Variants in FKRP observed in about 807,000 individuals in gnomAD.
FKRP encodes the protein ribitol 5-phosphate transferase FKRP.
A neutral mutation model predicts 30.6 loss-of-function variants in FKRP; 25 were observed. The ratio of observed to expected loss-of-function variants is 0.82; its 90% CI spans 0.60 to 1.14. The LOEUF (loss-of-function observed/expected upper bound fraction) is 1.14. FKRP is among the 50% of genes most tolerant of loss of function. The pLI, the probability that FKRP is intolerant of heterozygous loss-of-function variation, is 0.00. For synonymous variants in FKRP, 358 were observed against 342.5 expected, an observed-to-expected ratio of 1.05 and a Z score of -0.50; for missense variants, 771 against 727.8, an observed-to-expected ratio of 1.06 and a Z score of -0.68.
chr19:46,749,414 T>C lies in FKRP; in HGVS notation c.-40+749T>C, dbSNP rs576615840. ...CTCTCTGTGCCTTTGTTTCCTTTTT[T>C]TTTTTTTTTTTTTTTGAGATAAGGT... On this transcript the variant is annotated intron_variant, in intron 3 of 3. Coordinates refer to ENST00000318584, the MANE Select transcript of FKRP (RefSeq NM_024301.5). Among the ~76,000 whole-genome samples, 393 of 148,186 alleles carry C rather than the reference T, an allele frequency of 2.7e-3. 5 individuals carry two copies. Among genetic ancestry groups the C allele is most frequent in the African/African-American group, 9.1e-3 (369 of 40,484 alleles).
At position 46,756,667 on chromosome 19, in the gene FKRP, A is replaced by G. The variant is rs1170273978; in HGVS notation, c.1217A>G (p.Gln406Arg). ...GTCGAGGGCGACTTTTTCCGCGTGC[A>G]GTACAGCGAAAGCAACCACTTGCAC... ...KAVEGDFFRVQYSESNHLHVD... is the reference protein window; with the variant it reads ...KAVEGDFFRVRYSESNHLHVD... The change falls in exon 4 of 4, where the codon CAG (glutamine) becomes CGG (arginine). Residue 406 changes from glutamine to arginine, a missense_variant. Transcript: ENST00000318584. This position sits in a 1 kb window ranked among gnomAD's most constrained non-coding sequence, Gnocchi z 6.6. 1.2e-6 allele frequency: 2 copies of G among 1,613,536 alleles called. No homozygotes were observed.
In FKRP at chr19:46,756,040, A is replaced by T. The variant is rs767763499; in HGVS notation, c.590A>T (p.Asp197Val). 1.3e-6 allele frequency: 2 copies of T among 1,579,488 alleles called. No homozygotes were observed. The highest frequency in any genetic ancestry group is 1.7e-4 in the Middle Eastern group (1 of 6,016). Residue 197 changes from aspartate (D) to valine (V), a missense_variant, in exon 4 of 4, where the codon GAT (aspartate) becomes GTT (valine). Physicochemically the swap from Asp to Val is radical, Grantham distance 152. Transcript: ENST00000318584. This position sits in a 1 kb window ranked among gnomAD's most constrained non-coding sequence, Gnocchi z 6.6. Reference sequence around the variant, plus strand: ...CCCCGCTGCGACGCCCTGGACGGAGATGCTGTGGTGCTCCTGCGCGCCCGC... The same window carrying T: ...CCCCGCTGCGACGCCCTGGACGGAGTTGCTGTGGTGCTCCTGCGCGCCCGC... Reference protein sequence around the residue: ...AAPRCDALDGDAVVLLRARDL... With the variant: ...AAPRCDALDGVAVVLLRARDL...
At chr19:46,752,726 A>C (rs1377780220) in intron 3 of FKRP, among the ~76,000 whole-genome samples, 1 of 152,112 alleles carries the variant, frequency 6.6e-6, no homozygotes, top group Non-Finnish European at 1.5e-5. Flanking sequence ...TTAGCCAGGC[A>C]CAGTATTGCA....
chr19:46,757,147 A>C lies in FKRP; in HGVS notation c.*209A>C. On this transcript the variant is annotated 3_prime_UTR_variant, in exon 4 of 4. Transcript: ENST00000318584. ...GGGAAGCGACCTCCAGATTTATCAA[A>C]TGGTCATGCCCACTGGGAGCCGTGG... 1.5e-6 allele frequency: 1 copy of C among 682,620 alleles called. No individual in the cohort carries two copies. The highest frequency in any genetic ancestry group is 2.6e-6 in the Non-Finnish European group (1 of 387,236). 42.3% of individuals were successfully genotyped at this position (682,620 alleles called of 1,614,324 possible). A position where few individuals can be genotyped will look rare whatever the true frequency, so the allele number is the denominator to read the frequency against.
chr19:46,755,498 C>T lies in FKRP; in HGVS notation c.48C>T (p.Leu16=), dbSNP rs776358648. The change falls in exon 4 of 4, where the codon CTC becomes CTT. Residue 16 remains leucine, a synonymous_variant. Coordinates refer to ENST00000318584, the MANE Select transcript of FKRP (RefSeq NM_024301.5). Reference sequence around the variant, plus strand: ...CTGCCCTGGCGGCCGCCATCACCCTCAACCTTCTGGTCCTCTTCTATGTCT... The same window carrying T: ...CTGCCCTGGCGGCCGCCATCACCCTTAACCTTCTGGTCCTCTTCTATGTCT... ...CQAALAAAIT[L]NLLVLFYVSW... The T allele has an allele frequency of 1.3e-5, 21 of 1,610,986 alleles. No homozygotes were observed. The highest frequency in any genetic ancestry group is 8.5e-7 in the Non-Finnish European group (1 of 1,179,382).
Position 46,756,331 on chromosome 19 carries a change from C to T in FKRP, c.881C>T (p.Thr294Met). Reference protein sequence around the residue: ...LEWFGCNKETTRCFGTVVGDT... With the variant: ...LEWFGCNKETMRCFGTVVGDT... Reference sequence around the variant, plus strand: ...TGGTTCGGCTGCAACAAGGAGACCACGCGCTGCTTCGGAACCGTGGTGGGC... The same window carrying T: ...TGGTTCGGCTGCAACAAGGAGACCATGCGCTGCTTCGGAACCGTGGTGGGC... Residue 294 changes from threonine to methionine, a missense_variant, in exon 4 of 4, where the codon ACG becomes ATG. Thr to Met is a moderately conservative substitution (Grantham distance 81, BLOSUM62 -1). Transcript: ENST00000318584. This position sits in a 1 kb window ranked among gnomAD's most constrained non-coding sequence, Gnocchi z 6.6. 3.9e-6 allele frequency: 6 copies of T among 1,556,308 alleles called. No homozygotes were observed. Among genetic ancestry groups the T allele is most frequent in the Non-Finnish European group, 5.2e-6 (6 of 1,154,694 alleles).
rs894313503 is a variant in FKRP at position 46,756,509 on chromosome 19, C to T, written c.1059C>T (p.His353=). The stretch of plus-strand genomic sequence containing the variant: ...GCTCACTGCTGGGGGCCGCCCGCCA[C>T]GGGGACATCATCCCATGGGACTACG... ...EGGSLLGAAR[H]GDIIPWDYDV... Residue 353 remains histidine, a synonymous_variant, in exon 4 of 4, where the codon CAC becomes CAT. Transcript: ENST00000318584. This position sits in a 1 kb window ranked among gnomAD's most constrained non-coding sequence, Gnocchi z 6.6. The T allele has an allele frequency of 3.8e-6, 6 of 1,583,208 alleles. No individual in the cohort carries two copies. Among genetic ancestry groups the T allele is most frequent in the African/African-American group, 2.7e-5 (2 of 74,696 alleles).
At position 46,756,038 on chromosome 19, in the gene FKRP, A is replaced by G. The variant is rs2122619043; in HGVS notation, c.588A>G (p.Gly196=). ...CGCCCCGCTGCGACGCCCTGGACGG[A>G]GATGCTGTGGTGCTCCTGCGCGCCC... ...PAAPRCDALD[G]DAVVLLRARD... Residue 196 remains glycine (G), a synonymous_variant, in exon 4 of 4, where the codon GGA becomes GGG. Coordinates refer to ENST00000318584, the MANE Select transcript of FKRP (RefSeq NM_024301.5). The surrounding 1 kb of genome is among the most constrained non-coding windows in gnomAD (Gnocchi z 6.6). The G allele has an allele frequency of 1.3e-6, 2 of 1,579,820 alleles. No individual in the cohort carries two copies. The highest frequency in any genetic ancestry group is 1.1e-5 in the South Asian group (1 of 88,314).
intron 1 of FKRP, chr19:46,746,388 A>T: frequency 9.4e-7 from 1 of 1,064,774 alleles, no homozygotes; most frequent in Non-Finnish European, 1.1e-6. Context: ...CGGCAGGAGG[A>T]GGCGGCGGCG....
upstream of FKRP, among the ~76,000 whole-genome samples, chr19:46,745,252 C>G (rs575715121): frequency 3.9e-5 from 6 of 152,220 alleles, no homozygotes; most frequent in East Asian, 7.7e-4. Flanking sequence ...TCAGTGCCAT[C>G]GCGCCCACTC....
intron 3 of FKRP, among the ~76,000 whole-genome samples, chr19:46,750,093 G>A (rs192588763): frequency 9.5e-4 from 144 of 152,274 alleles, no homozygotes; most frequent in Admixed American, 4.0e-3. Flanking sequence ...AACAGGGCCT[G>A]GCACATGGTG....
intron 3 of FKRP, among the ~76,000 whole-genome samples, chr19:46,750,889 C>T (rs2054778316): frequency 6.6e-6 from 1 of 152,074 alleles, no homozygotes; most frequent in Admixed American, 6.6e-5. Flanking sequence ...TATTGAGCAC[C>T]TGCTATGCAC....
At chr19:46,747,431 T>C (rs1056996413) in intron 1 of FKRP, 7 of 150,110 alleles carry the variant, frequency 4.7e-5, no homozygotes, top group Admixed American at 1.3e-4. Context: ...GTAACTCTTG[T>C]TGCCCAGGCT....
chr19:46,746,051 G>T, upstream of FKRP: 1 of 905,378 alleles, frequency 1.1e-6, no homozygotes, highest in Non-Finnish European at 1.4e-6. Context: ...CGGCCGTCCC[G>T]GCGGCCATTG....
At chr19:46,754,790 G>A (rs1426445173) in intron 3 of FKRP, among the ~76,000 whole-genome samples, 2 of 152,004 alleles carry the variant, frequency 1.3e-5, no homozygotes, top group African/African-American at 4.8e-5. Flanking sequence ...ATTTTTAGTA[G>A]AGATGGGGTT....
At chr19:46,745,901 G>A (rs1207182130), upstream of FKRP, 2 of 382,554 alleles carry the variant, frequency 5.2e-6, no homozygotes, top group Admixed American at 4.8e-5. Flanking sequence ...CGGTCCCGGT[G>A]ATCCCTCCCA....
chr19:46,749,027 G>A (rs538292162), intron 3 of FKRP: 1 of 152,346 alleles, frequency 6.6e-6, no homozygotes, highest in East Asian at 1.9e-4. Flanking sequence ...ACAGGTGTGA[G>A]CCACCACACG....
At chr19:46,747,356 A>G (rs982757244) in intron 1 of FKRP, 3 of 148,158 alleles carry the variant, frequency 2.0e-5, no homozygotes, top group Admixed American at 6.7e-5. Context: ...CCTTCGAGTG[A>G]CCCTAGGAAC....
rs1462675294 is a variant in FKRP at position 46,756,951 on chromosome 19, C to G, written c.*13C>G. ...GGGAAGCGGCTGAAGCCCTGATAACCTCGCCTTTGTTTTTCGGGGGTCTGT... is the reference window on the plus strand; with the variant it reads ...GGGAAGCGGCTGAAGCCCTGATAACGTCGCCTTTGTTTTTCGGGGGTCTGT... On this transcript the variant is annotated 3_prime_UTR_variant, in exon 4 of 4. Coordinates refer to ENST00000318584, the MANE Select transcript of FKRP (RefSeq NM_024301.5). This position sits in a 1 kb window ranked among gnomAD's most constrained non-coding sequence, Gnocchi z 6.6. 5 of 1,612,408 alleles carry G rather than the reference C, an allele frequency of 3.1e-6. No homozygotes were observed. In the African/African-American group the frequency reaches 5.3e-5, roughly 17 times the overall value.
Sources: allele counts gnomAD v4.1 joint callset (sites outside exome capture counted in the v4.1 genomes callset), GRCh38; gene constraint gnomAD v4.1.1; non-coding constraint Gnocchi (gnomAD v3.1); transcripts MANE v1.5; gene names NCBI Gene and HGNC (gene_info 2026-07-23, HGNC 2026-07-21).